The following NRXN1 variants were observed in gnomAD, a reference collection of about 807,000 sequenced individuals.
NRXN1 encodes the protein neurexin 1.
Under a neutral mutation model 150.9 loss-of-function variants are expected in NRXN1, and 39 were observed. That is an observed-to-expected ratio of 0.26 (90% CI 0.20 to 0.34). The LOEUF (loss-of-function observed/expected upper bound fraction) is 0.34. NRXN1 is among the 10% of genes least tolerant of loss of function. The pLI, the probability that NRXN1 is intolerant of heterozygous loss-of-function variation, is 1.00. For synonymous variants in NRXN1, 924 were observed against 757.0 expected (o/e 1.22, Z -3.62); for missense variants, 1,815 against 1,949.9 (o/e 0.93, Z 1.30).
At chr2:50,421,180 T>C (rs1301138252) in intron 17 of NRXN1, among the ~76,000 whole-genome samples, 1 of 152,122 alleles carries the variant, frequency 6.6e-6, no homozygotes, top group East Asian at 1.9e-4. Context: ...CGTTATGATA[T>C]GCTGCATTTC....
At chr2:50,035,948 C>A (rs1317857011) in intron 21 of NRXN1, among the ~76,000 whole-genome samples, 1 of 152,114 alleles carries the variant, frequency 6.6e-6, no homozygotes, top group Non-Finnish European at 1.5e-5. Flanking sequence ...ACTTAAACAG[C>A]ACCTGCTGTC....
chr2:50,190,696 TC>T (rs1465962391), intron 18 of NRXN1, among the ~76,000 whole-genome samples: 5 of 147,754 alleles, frequency 3.4e-5, no homozygotes, highest in African/African-American at 1.2e-4. Context: ...CATGGCAACC[TC>T]CACCTCCCAA....
At chr2:50,357,310 T>TTA (rs1558590772) in intron 17 of NRXN1, among the ~76,000 whole-genome samples, 19 of 101,254 alleles carry the variant, frequency 1.9e-4, no homozygotes, top group African/African-American at 4.2e-4. Flanking sequence ...TTATTTTTTT[T>TTA]TTTATTTATT....
At chr2:50,310,913 A>C (rs899491179) in intron 17 of NRXN1, among the ~76,000 whole-genome samples, 1 of 152,172 alleles carries the variant, frequency 6.6e-6, no homozygotes, top group African/African-American at 2.4e-5. Flanking sequence ...TTTCATTATT[A>C]TGTTTCTTAA....
In NRXN1 at chr2:50,013,273, CTTTT is replaced by C. The variant is rs3046630; in HGVS notation, c.4128+39994_4128+39997del. Among the ~76,000 whole-genome samples, 3 of 136,152 alleles carry C rather than the reference CTTTT, an allele frequency of 2.2e-5. No individual in the cohort carries two copies. In the Admixed American group the frequency reaches 2.3e-4, roughly 10 times the overall value. The allele number at this position is 136,152 out of a possible 152,430, so 89.3% of individuals were successfully genotyped here. A position where few individuals can be genotyped will look rare whatever the true frequency, so the allele number is the denominator to read the frequency against. On this transcript the variant is annotated intron_variant, in intron 21 of 22. Coordinates refer to ENST00000401669, the MANE Select transcript of NRXN1 (RefSeq NM_001330078.2). Reference sequence around the variant, plus strand: ...TGTTGAGATATTACTATTAAAGTTTCTTTTTTTTTTTTTGGATACAGCTGTGTAA... The same window carrying C: ...TGTTGAGATATTACTATTAAAGTTTCTTTTTTTTTGGATACAGCTGTGTAA...
intron 19 of NRXN1, among the ~76,000 whole-genome samples, chr2:50,068,417 T>C (rs1558807632): frequency 6.6e-6 from 1 of 152,240 alleles, no homozygotes. Context: ...CAAGTTAATT[T>C]TCTCTACCAC....
intron 22 of NRXN1, among the ~76,000 whole-genome samples, chr2:49,925,941 A>C (rs1669034663): frequency 6.6e-6 from 1 of 152,212 alleles, no homozygotes; most frequent in South Asian, 2.1e-4. Context: ...ATTAACTCCG[A>C]CGTGTAGGTA....
intron 17 of NRXN1, among the ~76,000 whole-genome samples, chr2:50,302,661 C>T (rs1179419917): frequency 6.6e-6 from 1 of 152,048 alleles, no homozygotes; most frequent in African/African-American, 2.4e-5. Flanking sequence ...AAACATTCTC[C>T]CAAATTAATA....
At chr2:50,813,066 T>C (rs1668448410) in intron 5 of NRXN1, among the ~76,000 whole-genome samples, 3 of 152,014 alleles carry the variant, frequency 2.0e-5, no homozygotes, top group Admixed American at 2.0e-4. Context: ...GAGCAGTGCA[T>C]GCCTGTAGTC....
At chr2:50,609,540 C>G (rs57717376) in intron 8 of NRXN1, among the ~76,000 whole-genome samples, 5,007 of 152,142 alleles carry the variant, frequency 0.033, 271 homozygotes, top group African/African-American at 0.11. Flanking sequence ...CTCACTTAAT[C>G]CTTTACAGGG....
intron 2 of NRXN1, among the ~76,000 whole-genome samples, chr2:50,993,905 C>G: frequency 6.6e-6 from 1 of 152,080 alleles, no homozygotes; most frequent in Non-Finnish European, 1.5e-5. Flanking sequence ...TGTTCTTTAA[C>G]CGGCATGTAT....
At chr2:50,569,002 G>C (rs1670262122) in intron 8 of NRXN1, among the ~76,000 whole-genome samples, 1 of 152,136 alleles carries the variant, frequency 6.6e-6, no homozygotes, top group African/African-American at 2.4e-5. Context: ...CAACATGGCT[G>C]AAACTGGAGG....
chr2:50,630,885 C>T (rs1682183294), intron 5 of NRXN1, among the ~76,000 whole-genome samples: 1 of 151,634 alleles, frequency 6.6e-6, no homozygotes, highest in Non-Finnish European at 1.5e-5. Context: ...CAGATGTACA[C>T]ATTAGAAGTC....
intron 2 of NRXN1, among the ~76,000 whole-genome samples, chr2:51,009,919 G>A (rs1005752351): frequency 4.6e-5 from 7 of 151,504 alleles, no homozygotes; most frequent in African/African-American, 1.7e-4. Context: ...TCTGACACAC[G>A]AGACCAAGTT....
intron 18 of NRXN1, among the ~76,000 whole-genome samples, chr2:50,126,200 G>A (rs12479057): frequency 0.27 from 40,915 of 151,906 alleles, 5,963 homozygotes; most frequent in Admixed American, 0.4. Context: ...GGCATGCAGC[G>A]CATATTAGAA....
chr2:50,764,694 A>G (rs1462741654), intron 5 of NRXN1, among the ~76,000 whole-genome samples: 1 of 151,934 alleles, frequency 6.6e-6, no homozygotes, highest in Non-Finnish European at 1.5e-5. Context: ...ACAGACAGAG[A>G]GATTATGACA....
At chr2:50,146,584 A>C (rs560334311) in intron 18 of NRXN1, among the ~76,000 whole-genome samples, 3,576 of 151,776 alleles carry the variant, frequency 0.024, 143 homozygotes, top group African/African-American at 0.082. Context: ...TGTGAAAATA[A>C]ATGATAAGAT....
At chr2:49,922,299 C>T (rs201597329) in intron 22 of NRXN1, 48 bp from the exon 23 acceptor site, 1 of 1,532,526 alleles carries the variant, frequency 6.5e-7, no homozygotes, top group Non-Finnish European at 9.0e-7. Flanking sequence ...ATTGAGTTCA[C>T]TGAATACCAG....
At chr2:50,989,328 T>C (rs1698193768) in intron 2 of NRXN1, among the ~76,000 whole-genome samples, 1 of 151,994 alleles carries the variant, frequency 6.6e-6, no homozygotes, top group Admixed American at 6.6e-5. Context: ...AAGTTATTTA[T>C]GAGATATAAT....
Sources: allele counts gnomAD v4.1 joint callset (sites outside exome capture counted in the v4.1 genomes callset), GRCh38; gene constraint gnomAD v4.1.1; transcripts MANE v1.5; gene names NCBI Gene and HGNC (gene_info 2026-07-23, HGNC 2026-07-21).